CTSO: variants seen among roughly 807,000 people sequenced by gnomAD.
CTSO encodes the protein cathepsin O.
CTSO carries 40 observed loss-of-function variants against 42.4 expected under a neutral mutation model. The ratio of observed to expected loss-of-function variants is 0.94; its 90% CI spans 0.73 to 1.23. The LOEUF (loss-of-function observed/expected upper bound fraction) is 1.23, where lower values mean the gene tolerates loss of function less well. Among genes scored for constraint, CTSO ranks in the 50% most tolerant of loss-of-function variants. The pLI is 0.00. For synonymous variants in CTSO, 156 were observed against 146.2 expected (o/e 1.07, Z -0.48); for missense variants, 441 against 396.0 (o/e 1.11, Z -0.96).
intron 5 of CTSO, among the ~76,000 whole-genome samples, chr4:155,936,621 A>G (rs1743336329): frequency 6.6e-6 from 1 of 152,152 alleles, no homozygotes; most frequent in Non-Finnish European, 1.5e-5. Flanking sequence ...AATGGTCATG[A>G]TGAGTCTCCA....
intron 1 of CTSO, among the ~76,000 whole-genome samples, chr4:155,949,013 C>T (rs998116954): frequency 2.0e-5 from 3 of 152,068 alleles, no homozygotes; most frequent in Non-Finnish European, 2.9e-5. Context: ...AAGGAGTAAG[C>T]GAATCTTTTA....
At position 155,929,617 on chromosome 4, in the gene CTSO, C is replaced by A. The variant is rs150110652; in HGVS notation, c.763G>T (p.Gly255Ter). 1 of 1,613,820 alleles carries A rather than the reference C, an allele frequency of 6.2e-7. No homozygotes were observed. Among genetic ancestry groups the A allele is most frequent in the African/African-American group, 1.3e-5 (1 of 75,020 alleles). ...VDAVSWQDYL[G>*]GIIQHHCSSG... is the part of the protein sequence containing the mutation. ...GAGCAGTGATGCTGTATAATGCCTCCCAGATAATCTTGCCAGCTCACTGCA... is the reference window on the plus strand; with the variant it reads ...GAGCAGTGATGCTGTATAATGCCTCACAGATAATCTTGCCAGCTCACTGCA... Residue 255 changes from glycine to a stop codon, truncating the protein, a stop_gained, in exon 6 of 8, where the codon GGA becomes TGA. Coordinates refer to ENST00000433477, the MANE Select transcript of CTSO (RefSeq NM_001334.3). LOFTEE classifies it high-confidence loss of function.
intron 4 of CTSO, 94 bp from the exon 5 acceptor site, chr4:155,937,577 C>T: frequency 8.8e-7 from 1 of 1,140,012 alleles, no homozygotes; most frequent in Non-Finnish European, 1.3e-6. Context: ...TTCAATTTCA[C>T]ACACCTTCAT....
chr4:155,929,496 A>T (rs1743192177), intron 6 of CTSO, 46 bp downstream of exon 6: 1 of 1,567,770 alleles, frequency 6.4e-7, no homozygotes, highest in Non-Finnish European at 8.7e-7. Context: ...TTTTGCACTC[A>T]GTGTCCATGC....
intron 1 of CTSO, among the ~76,000 whole-genome samples, chr4:155,945,957 A>C (rs1268529369): frequency 6.6e-6 from 1 of 152,130 alleles, no homozygotes; most frequent in African/African-American, 2.4e-5. Context: ...ACGCACGCAC[A>C]TGAGGTATAG....
In CTSO at chr4:155,925,450, T is replaced by G. The variant is rs1743113737; in HGVS notation, c.*586A>C. 6.6e-6 allele frequency: 1 copy of G among 152,266 alleles called. No homozygotes were observed. The highest frequency in any genetic ancestry group is 1.5e-5 in the Non-Finnish European group (1 of 68,068). The allele number at this position is 152,266 out of a possible 1,614,324, so 9.4% of individuals were successfully genotyped here. On this transcript the variant is annotated 3_prime_UTR_variant, in exon 8 of 8. Coordinates refer to ENST00000433477, the MANE Select transcript of CTSO (RefSeq NM_001334.3). ...GAAGCGATTTTGCCCTTTTCCTTCC[T>G]TCTACGTGGTCACTCTGCTGTTCAA...
At chr4:155,937,547 C>T in intron 4 of CTSO, 64 bp from the exon 5 acceptor site, 1 of 1,503,470 alleles carries the variant, frequency 6.7e-7, no homozygotes, top group Non-Finnish European at 9.2e-7. Flanking sequence ...ATAGAACTTA[C>T]TTCACTGTGT....
Position 155,939,586 on chromosome 4 carries a change from C to T in CTSO, c.385-48G>A, listed in dbSNP as rs781645844. ...GTGGTATTTCCAGGGTTTAAATCAA[C>T]TTACCAACATCTCTAAATGTAACAA... On this transcript the variant is annotated intron_variant, in intron 3 of 7. Coordinates refer to ENST00000433477, the MANE Select transcript of CTSO (RefSeq NM_001334.3). 2.0e-6 allele frequency: 3 copies of T among 1,507,984 alleles called. No individual in the cohort carries two copies. In the Admixed American group the frequency reaches 5.7e-5, roughly 29 times the overall value. The allele number at this position is 1,507,984 out of a possible 1,614,324, so 93.4% of individuals were successfully genotyped here.
chr4:155,938,416 G>A (rs969245344), intron 4 of CTSO, among the ~76,000 whole-genome samples: 7 of 152,144 alleles, frequency 4.6e-5, no homozygotes, highest in Non-Finnish European at 8.8e-5. Context: ...GTTTGATGAC[G>A]TTCTACAGAA....
chr4:155,951,627 T>C (rs1743675435), intron 1 of CTSO, among the ~76,000 whole-genome samples: 1 of 152,194 alleles, frequency 6.6e-6, no homozygotes, highest in Non-Finnish European at 1.5e-5. Flanking sequence ...CACCATTCTC[T>C]AAACCCATGA....
At chr4:155,945,250 C>G (rs1485123504) in intron 1 of CTSO, among the ~76,000 whole-genome samples, 1 of 150,978 alleles carries the variant, frequency 6.6e-6, no homozygotes, top group Non-Finnish European at 1.5e-5. Context: ...GAGCGAGCCT[C>G]CAACTCAAAA....
intron 5 of CTSO, among the ~76,000 whole-genome samples, chr4:155,930,040 G>A (rs1399711869): frequency 6.6e-6 from 1 of 152,208 alleles, no homozygotes; most frequent in East Asian, 1.9e-4. Context: ...TCTCTGTTGA[G>A]AAGACTTCCC....
rs376261835 is a variant in CTSO, at chr4:155,937,373, T to C, written c.663A>G (p.Ala221=). The part of the protein sequence containing the change: ...HSGFSIKGYS[A]YDFSDQEDEM... ...AATAAGATCTTTACCTGAAGTCATA[T>C]GCAGAATAACCTTTGATTGAAAATC... The change falls in exon 5 of 8, where the codon GCA becomes GCG. Residue 221 remains alanine (A), a synonymous_variant. Transcript: ENST00000433477. The C allele has an allele frequency of 1.2e-6, 2 of 1,606,482 alleles. No homozygotes were observed. Among genetic ancestry groups the C allele is most frequent in the Non-Finnish European group, 1.7e-6 (2 of 1,173,250 alleles).
At chr4:155,927,897 T>C (rs2110902156) in intron 7 of CTSO, among the ~76,000 whole-genome samples, 1 of 152,274 alleles carries the variant, frequency 6.6e-6, no homozygotes, top group African/African-American at 2.4e-5. Flanking sequence ...TCACAAACAA[T>C]ACTAATGCTT....
chr4:155,932,337 T>A (rs1007017116), intron 5 of CTSO, among the ~76,000 whole-genome samples: 2 of 152,154 alleles, frequency 1.3e-5, no homozygotes, highest in Non-Finnish European at 2.9e-5. Context: ...CAGATATGAG[T>A]TCTAATCCGA....
chr4:155,939,252 T>C (rs929162389), intron 4 of CTSO, 119 bp downstream of exon 4: 14 of 834,128 alleles, frequency 1.7e-5, no homozygotes, highest in Admixed American at 2.6e-5. Context: ...TTTGATCATC[T>C]ACATTTCCGA....
rs139420001 is a variant in CTSO, at chr4:155,935,422, A to C, written c.674+1940T>G. The stretch of plus-strand genomic sequence containing the variant: ...CTTCATCATTGTTCTAACATGCCAG[A>C]CATGTTTTTGCCTCACGATCTTTGC... On this transcript the variant is annotated intron_variant, in intron 5 of 7. Transcript: ENST00000433477. Among the ~76,000 whole-genome samples, 250 of 152,088 alleles carry C rather than the reference A, an allele frequency of 1.6e-3. 3 individuals are homozygous for C. The Middle Eastern group carries it at 0.02, about 12-fold the overall frequency.
At chr4:155,932,556 C>A (rs1743255284) in intron 5 of CTSO, among the ~76,000 whole-genome samples, 1 of 152,158 alleles carries the variant, frequency 6.6e-6, no homozygotes, top group African/African-American at 2.4e-5. Context: ...TTCCCTGAGC[C>A]CTTTTCCTCC....
At chr4:155,948,259 C>A (rs1325872335) in intron 1 of CTSO, among the ~76,000 whole-genome samples, 5 of 152,010 alleles carry the variant, frequency 3.3e-5, no homozygotes, top group African/African-American at 1.2e-4. Context: ...ATAGGTATAA[C>A]CTCTCAAATT....
Sources: gnomAD v4.1 joint callset for allele counts (sites outside exome capture counted in the v4.1 genomes callset) on GRCh38, gnomAD v4.1.1 for gene constraint, MANE v1.5 for transcripts, NCBI Gene and HGNC (gene_info 2026-07-23, HGNC 2026-07-21) for gene names.